NPAS2: variants seen among roughly 807,000 people sequenced by gnomAD.
NPAS2 encodes neuronal PAS domain protein 2.
A neutral mutation model predicts 107.5 loss-of-function variants in NPAS2; 23 were observed. The ratio of observed to expected loss-of-function variants is 0.21; its 90% CI spans 0.15 to 0.30. The LOEUF (loss-of-function observed/expected upper bound fraction) is 0.30. Among genes scored for constraint, NPAS2 ranks in the 10% least tolerant of loss-of-function variants. NPAS2 has a pLI of 1.00. For synonymous variants in NPAS2, 403 were observed against 417.5 expected (o/e 0.97, Z 0.42); for missense variants, 756 against 1,043.3 (o/e 0.72, Z 3.79).
intron 1 of NPAS2, among the ~76,000 whole-genome samples, chr2:100,842,081 G>GTGCGCGCGCACACACACACACACACACA (rs1553441796): frequency 2.0e-5 from 3 of 148,902 alleles, no homozygotes; most frequent in African/African-American, 7.4e-5. Context: ...GCATGTACGC[G>GTGCGCGCGCACACACACACACACACACA]CACACACACA....
chr2:100,819,791 A>AC (rs35075064), upstream of NPAS2, among the ~76,000 whole-genome samples: 769 of 145,064 alleles, frequency 5.3e-3, 7 homozygotes, highest in African/African-American at 0.017. The surrounding 1 kb of genome is among the most constrained non-coding windows in gnomAD (Gnocchi z 5.8). Context: ...TGGAAGCACA[A>AC]CCCCCCCCTC....
chr2:100,837,532 C>T (rs942198336), intron 1 of NPAS2, among the ~76,000 whole-genome samples: 42 of 152,176 alleles, frequency 2.8e-4, no homozygotes, highest in East Asian at 5.8e-4. Flanking sequence ...AGGCTGATCT[C>T]GAACTCCTGA....
intron 5 of NPAS2, among the ~76,000 whole-genome samples, chr2:100,939,295 A>G (rs1674433648): frequency 6.6e-6 from 1 of 152,156 alleles, no homozygotes; most frequent in Non-Finnish European, 1.5e-5. Flanking sequence ...AGTAGGCCCT[A>G]ATCTAACCTA....
rs558867264 is a variant in NPAS2 at position 100,968,210 on chromosome 2, A to G, written c.908-71A>G. 79 of 1,509,050 alleles carry G rather than the reference A, an allele frequency of 5.2e-5. 1 individual carries two copies. The South Asian group carries it at 8.5e-4, about 16-fold the overall frequency. 93.5% of individuals were successfully genotyped at this position (1,509,050 alleles called of 1,614,324 possible). ...TTTTTTTTTGAAAGCTTATCTTTAC[A>G]ATAACTCTTGGGGAAAAGATCATTT... On this transcript the variant is annotated intron_variant, in intron 10 of 20. Transcript: ENST00000335681. The surrounding 1 kb of genome is among the most constrained non-coding windows in gnomAD (Gnocchi z 5.3).
Position 100,960,061 on chromosome 2 carries a change from C to T in NPAS2, c.599-3997C>T, listed in dbSNP as rs145002512. 1.6e-4 allele frequency among the ~76,000 whole-genome samples: 24 copies of T among 152,258 alleles called. 1 individual carries two copies. The East Asian group carries it at 4.5e-3, about 28-fold the overall frequency. On this transcript the variant is annotated intron_variant, in intron 7 of 20. Coordinates refer to ENST00000335681, the MANE Select transcript of NPAS2 (RefSeq NM_002518.4). ...TCATCATGGCTGATTTGGGAGCTCA[C>T]CTTTGTCATCAGACAGACTTGGAAG...
intron 2 of NPAS2, among the ~76,000 whole-genome samples, chr2:100,918,730 T>G (rs557483750): frequency 1.3e-5 from 2 of 152,302 alleles, no homozygotes; most frequent in Admixed American, 1.3e-4. Flanking sequence ...TAGCTAAAAT[T>G]TAAAGTACTG....
Position 100,939,408 on chromosome 2 carries a change from TGG to T in NPAS2, c.363+1567_363+1568del, listed in dbSNP as rs1405845797. The stretch of plus-strand genomic sequence containing the variant: ...CTCTCCTCTTGATAGCCATCAGAAG[TGG>T]CTCATCCTCACTCGGCCTGAAGGAG... On this transcript the variant is annotated intron_variant, in intron 5 of 20. Transcript: ENST00000335681. 6.6e-5 allele frequency among the ~76,000 whole-genome samples: 10 copies of T among 152,182 alleles called. 1 individual carries two copies. The highest frequency in any genetic ancestry group is 6.2e-4 in the South Asian group (3 of 4,822).
chr2:100,855,145 C>G (rs1225538790), intron 1 of NPAS2, among the ~76,000 whole-genome samples: 1 of 152,162 alleles, frequency 6.6e-6, no homozygotes, highest in Non-Finnish European at 1.5e-5. Context: ...TATTTCTCTT[C>G]ACACCGCTGT....
chr2:100,850,953 CAAAAAAAA>C (rs148858541), intron 1 of NPAS2, among the ~76,000 whole-genome samples: 10 of 41,866 alleles, frequency 2.4e-4, no homozygotes, highest in African/African-American at 8.0e-4. Flanking sequence ...AACTCTGTCT[CAAAAAAAA>C]AAAAAAAAAA....
intron 7 of NPAS2, among the ~76,000 whole-genome samples, chr2:100,960,549 C>T (rs528410590): frequency 5.9e-5 from 9 of 152,048 alleles, no homozygotes; most frequent in Admixed American, 1.3e-4. Flanking sequence ...TGGTGATTGC[C>T]GTATGCTGAT....
chr2:100,870,637 CTGCCT>C (rs1269823025), intron 1 of NPAS2, among the ~76,000 whole-genome samples: 1 of 152,180 alleles, frequency 6.6e-6, no homozygotes, highest in African/African-American at 2.4e-5. Flanking sequence ...AGCAATCCTC[CTGCCT>C]TGGCCTCCCA....
rs1260363047 is a variant in NPAS2 at position 100,968,592 on chromosome 2, C to G, written c.1055+164C>G. ...CCCCTGCCGTTAACAGCACAATTCC[C>G]AGAGCTCAGCTCGCTTCCAGGCACC... On this transcript the variant is annotated intron_variant, in intron 11 of 20. Coordinates refer to ENST00000335681, the MANE Select transcript of NPAS2 (RefSeq NM_002518.4). This position sits in a 1 kb window ranked among gnomAD's most constrained non-coding sequence, Gnocchi z 5.3. Among the ~76,000 whole-genome samples, 1 of 152,158 alleles carries G rather than the reference C, an allele frequency of 6.6e-6. No individual in the cohort carries two copies. The highest frequency in any genetic ancestry group is 1.5e-5 in the Non-Finnish European group (1 of 68,034).
chr2:100,881,942 A>G (rs1021424606), intron 1 of NPAS2, among the ~76,000 whole-genome samples: 1 of 152,194 alleles, frequency 6.6e-6, no homozygotes, highest in Admixed American at 6.5e-5. Context: ...ATGTGCTCGC[A>G]GTGCCCTGCC....
intron 1 of NPAS2, among the ~76,000 whole-genome samples, chr2:100,835,710 C>A (rs965380850): frequency 1.3e-5 from 2 of 152,088 alleles, no homozygotes; most frequent in African/African-American, 2.4e-5. Context: ...TAGAAGCCAG[C>A]ATGGAAAGGT....
intron 1 of NPAS2, among the ~76,000 whole-genome samples, chr2:100,834,316 C>T (rs1676927158): frequency 2.0e-5 from 3 of 152,320 alleles, no homozygotes; most frequent in South Asian, 2.1e-4. Flanking sequence ...CTGCCTGAAT[C>T]GCCTTATCTC....
intron 1 of NPAS2, among the ~76,000 whole-genome samples, chr2:100,852,541 AATGCAGG>A (rs1678266984): frequency 6.6e-6 from 1 of 152,212 alleles, no homozygotes; most frequent in African/African-American, 2.4e-5. Context: ...TGCATCTGTC[AATGCAGG>A]GACCCCTGGC....
At chr2:100,906,664 C>T (rs1682166805) in intron 2 of NPAS2, among the ~76,000 whole-genome samples, 1 of 152,164 alleles carries the variant, frequency 6.6e-6, no homozygotes, top group Admixed American at 6.5e-5. Context: ...GATCTTGGCT[C>T]ACTGCAACCT....
chr2:100,833,020 CTTGCATCTA>C (rs2104376398), intron 1 of NPAS2, among the ~76,000 whole-genome samples: 1 of 152,304 alleles, frequency 6.6e-6, no homozygotes, highest in South Asian at 2.1e-4. Flanking sequence ...TTTGGCAGCT[CTTGCATCTA>C]TTGCAGCCTG....
chr2:100,992,697 T>G (rs1678205551), intron 19 of NPAS2, among the ~76,000 whole-genome samples: 1 of 152,218 alleles, frequency 6.6e-6, no homozygotes, highest in Non-Finnish European at 1.5e-5. Context: ...CTGAGTATGT[T>G]TTCATGTGTG....
Sources: gnomAD v4.1 joint callset for allele counts (sites outside exome capture counted in the v4.1 genomes callset) on GRCh38, gnomAD v4.1.1 for gene constraint, Gnocchi (gnomAD v3.1) non-coding constraint, MANE v1.5 for transcripts, NCBI Gene and HGNC (gene_info 2026-07-23, HGNC 2026-07-21) for gene names.